SUSD4: variants seen among roughly 807,000 people sequenced by gnomAD.
SUSD4 encodes sushi domain containing 4, also known as sushi domain-containing protein 4.
SUSD4 carries 41 observed loss-of-function variants against 50.5 expected under a neutral mutation model. The observed-to-expected ratio is 0.81, with a 90% CI of 0.63 to 1.05. SUSD4 has a LOEUF of 1.05. Ranked by LOEUF, SUSD4 falls within the 50% of genes least tolerant of loss-of-function variation. The pLI, the probability that SUSD4 is intolerant of heterozygous loss-of-function variation, is 0.00. For missense variants in SUSD4, 580 were observed against 634.7 expected, an observed-to-expected ratio of 0.91 and a Z score of 0.93; for synonymous variants, 257 against 257.3, an observed-to-expected ratio of 1.00 and a Z score of 0.01.
At chr1:223,327,223 GAC>G (rs1666927165) in intron 2 of SUSD4, among the ~76,000 whole-genome samples, 1 of 152,182 alleles carries the variant, frequency 6.6e-6, no homozygotes, top group Admixed American at 6.5e-5. Context: ...ACTGAAGTAA[GAC>G]AGCAGTGAAA....
chr1:223,339,972 C>T (rs116582373), intron 2 of SUSD4, among the ~76,000 whole-genome samples: 1,764 of 152,314 alleles, frequency 0.012, 34 homozygotes, highest in African/African-American at 0.04. Context: ...TCTGGCAGAA[C>T]CACGACACTC....
intron 5 of SUSD4, among the ~76,000 whole-genome samples, chr1:223,254,430 T>C (rs1450762292): frequency 6.6e-6 from 1 of 152,054 alleles, no homozygotes; most frequent in Non-Finnish European, 1.5e-5. Context: ...AGAGGGTTAA[T>C]GGTTGTGTTT....
intron 2 of SUSD4, among the ~76,000 whole-genome samples, chr1:223,330,296 T>C (rs949822094): frequency 6.6e-6 from 1 of 152,192 alleles, no homozygotes; most frequent in Non-Finnish European, 1.5e-5. Flanking sequence ...AGGGCTAGAT[T>C]TCCAGCTAAA....
Position 223,304,528 on chromosome 1 carries a change from G to A in SUSD4, c.149-11877C>T, listed in dbSNP as rs114692082. ...ATGGTAACGGTGAGTATTGTTTTGT[G>A]TGGTTTTACTAGTTTTATTTGTGCA... On this transcript the variant is annotated intron_variant, in intron 2 of 8. Coordinates refer to ENST00000366878, the MANE Select transcript of SUSD4 (RefSeq NM_017982.4). 9.7e-3 allele frequency among the ~76,000 whole-genome samples: 1,466 copies of A among 151,892 alleles called. 30 individuals are homozygous for A. The highest frequency in any genetic ancestry group is 0.033 in the African/African-American group (1,354 of 41,394).
chr1:223,316,355 G>A (rs1216380863), intron 2 of SUSD4, among the ~76,000 whole-genome samples: 2 of 152,090 alleles, frequency 1.3e-5, no homozygotes, highest in Non-Finnish European at 2.9e-5. Context: ...AAATAATACT[G>A]CCTTGCTGCA....
chr1:223,243,199 AG>A (rs1660701846), intron 5 of SUSD4, among the ~76,000 whole-genome samples: 1 of 152,146 alleles, frequency 6.6e-6, no homozygotes, highest in Non-Finnish European at 1.5e-5. Flanking sequence ...GGACCTTCTC[AG>A]GGAGACAGAA....
intron 3 of SUSD4, among the ~76,000 whole-genome samples, chr1:223,274,177 C>G (rs1663105537): frequency 6.6e-6 from 1 of 152,200 alleles, no homozygotes; most frequent in African/African-American, 2.4e-5. Flanking sequence ...CATTCCAGCA[C>G]AGCTCAGAGC....
intron 3 of SUSD4, among the ~76,000 whole-genome samples, chr1:223,286,239 C>A (rs550538101): frequency 9.2e-5 from 14 of 152,240 alleles, no homozygotes; most frequent in African/African-American, 3.4e-4. Context: ...CCTCAGCCTC[C>A]CGAGTAGCTG....
chr1:223,328,900 T>C (rs367826020), intron 2 of SUSD4, among the ~76,000 whole-genome samples: 4 of 152,182 alleles, frequency 2.6e-5, no homozygotes, highest in Non-Finnish European at 5.9e-5. Context: ...AACTTTAATT[T>C]TGGCCTGGAG....
chr1:223,292,883 A>G (rs1459337287), intron 2 of SUSD4, among the ~76,000 whole-genome samples: 1 of 152,168 alleles, frequency 6.6e-6, no homozygotes, highest in Non-Finnish European at 1.5e-5. Context: ...CTTTCAAGGA[A>G]GTTACAGGAG....
chr1:223,359,372 AC>A (rs113111792), intron 2 of SUSD4, among the ~76,000 whole-genome samples: 1 of 151,960 alleles, frequency 6.6e-6, no homozygotes, highest in African/African-American at 2.4e-5. Flanking sequence ...CACCTTCCAC[AC>A]CTTTGCACAA....
intron 3 of SUSD4, among the ~76,000 whole-genome samples, chr1:223,287,939 A>C (rs1334602275): frequency 2.0e-5 from 3 of 152,192 alleles, no homozygotes. Flanking sequence ...CCCTGCAAAG[A>C]GGAAACTCAA....
At chr1:223,224,420 G>A (rs1272716905) in intron 7 of SUSD4, among the ~76,000 whole-genome samples, 1 of 151,818 alleles carries the variant, frequency 6.6e-6, no homozygotes, top group Non-Finnish European at 1.5e-5. Context: ...TGCTCATCAT[G>A]TTTCTTTGTT....
intron 5 of SUSD4, 119 bp downstream of exon 5, chr1:223,264,511 A>T: frequency 6.9e-7 from 1 of 1,457,858 alleles, no homozygotes; most frequent in South Asian, 1.5e-5. Context: ...AAAGTGAGAA[A>T]GATGTATTCA....
intron 5 of SUSD4, among the ~76,000 whole-genome samples, chr1:223,253,082 G>A (rs1661445067): frequency 1.3e-5 from 2 of 151,424 alleles, no homozygotes; most frequent in Non-Finnish European, 2.9e-5. Flanking sequence ...GACAGAGTGA[G>A]GCTCCGTTTC....
intron 2 of SUSD4, among the ~76,000 whole-genome samples, chr1:223,320,976 T>G (rs1029568961): frequency 6.6e-6 from 1 of 152,240 alleles, no homozygotes; most frequent in Non-Finnish European, 1.5e-5. Flanking sequence ...CTCATTCTAA[T>G]AGCCTCTCAT....
At chr1:223,224,786 G>C (rs1659387681) in intron 7 of SUSD4, among the ~76,000 whole-genome samples, 1 of 151,522 alleles carries the variant, frequency 6.6e-6, no homozygotes, top group African/African-American at 2.4e-5. Context: ...GGCTCCGTGT[G>C]ACCCCCATAC....
chr1:223,328,478 A>G (rs977883089), intron 2 of SUSD4, among the ~76,000 whole-genome samples: 3 of 152,160 alleles, frequency 2.0e-5, no homozygotes, highest in Non-Finnish European at 4.4e-5. Context: ...GAAGTTCTCA[A>G]TTCTTCTGGT....
intron 2 of SUSD4, among the ~76,000 whole-genome samples, chr1:223,359,716 T>C (rs1668864720): frequency 6.6e-6 from 1 of 152,168 alleles, no homozygotes; most frequent in Non-Finnish European, 1.5e-5. Flanking sequence ...GCTTGTGGTC[T>C]AGTAAATGAG....
Sources: allele counts gnomAD v4.1 joint callset (sites outside exome capture counted in the v4.1 genomes callset), GRCh38; gene constraint gnomAD v4.1.1; transcripts MANE v1.5; gene names NCBI Gene and HGNC (gene_info 2026-07-23, HGNC 2026-07-21).